Variants in GRTP1 observed in about 807,000 individuals in gnomAD.
GRTP1 encodes the protein growth hormone regulated TBC protein 1.
In GRTP1, 56 loss-of-function variants were observed where a neutral mutation model predicts 38.1. The observed-to-expected ratio is 1.47, with a 90% confidence interval of 1.19 to 1.84. GRTP1 has a LOEUF of 1.84. Among genes scored for constraint, GRTP1 ranks in the 40% most tolerant of loss-of-function variants. The pLI, the probability that GRTP1 is intolerant of heterozygous loss-of-function variation, is 0.00. For synonymous variants in GRTP1, 217 were observed against 189.5 expected (o/e 1.14, Z -1.19); for missense variants, 506 against 453.9 (o/e 1.11, Z -1.04).
Position 113,324,254 on chromosome 13 carries a change from T to C in GRTP1, c.*234A>G, listed in dbSNP as rs1435452932. On this transcript the variant is annotated 3_prime_UTR_variant, in exon 8 of 8. Coordinates refer to ENST00000375431, the MANE Select transcript of GRTP1 (RefSeq NM_024719.4). ...CCCACACTCACATTTTATATATTAT[T>C]GATCTCTCAGGTAAAAATAAGTTTT... 1.2e-5 allele frequency: 6 copies of C among 485,198 alleles called. No individual in the cohort carries two copies. The highest frequency in any genetic ancestry group is 2.0e-5 in the Non-Finnish European group (6 of 293,804). The allele number at this position is 485,198 out of a possible 1,614,324, so 30.1% of individuals were successfully genotyped here.
Position 113,325,975 on chromosome 13 carries a change from T to A in GRTP1, c.679A>T (p.Thr227Ser). The A allele has an allele frequency of 6.2e-7, 1 of 1,613,508 alleles. No homozygotes were observed. The highest frequency in any genetic ancestry group is 8.5e-7 in the Non-Finnish European group (1 of 1,179,882). Residue 227 changes from threonine to serine, a missense_variant, in exon 6 of 8, where the codon ACG (threonine) becomes TCG (serine). By Grantham distance (58) the Thr-to-Ser change is moderately conservative (BLOSUM62 1). Transcript: ENST00000375431. The part of the protein sequence containing the change: ...ALMERLGVLW[T>S]LLVSRWFICL... ...ATGAACCAGCGGGACACCAGCAGCG[T>A]CCACAGCACACCGAGACGCTCCATC... is the stretch of plus-strand genomic sequence containing the variant.
In GRTP1 at chr13:113,324,350, TAAA is replaced by T; in HGVS notation, c.*135_*137del. On this transcript the variant is annotated 3_prime_UTR_variant, in exon 8 of 8. Coordinates refer to ENST00000375431, the MANE Select transcript of GRTP1 (RefSeq NM_024719.4). Reference sequence around the variant, plus strand: ...ATGACCTGATTTTAAACTGCTCTTTTAAAAAATTCACAACTAAAGTGTAGTGAT... The same window carrying T: ...ATGACCTGATTTTAAACTGCTCTTTTAAATTCACAACTAAAGTGTAGTGAT... 1 of 1,281,216 alleles carries T rather than the reference TAAA, an allele frequency of 7.8e-7. No homozygotes were observed. 79.4% of individuals were successfully genotyped at this position (1,281,216 alleles called of 1,614,324 possible).
rs2043542048 is a variant in GRTP1 at position 113,363,649 on chromosome 13, T to C, written c.181+113A>G. ...CGGAGCCCGCAGCTTCGTCCCGACC[T>C]GCCCGGAAAGGTTCCTCCCCCTCCC... is the stretch of plus-strand genomic sequence containing the variant. On this transcript the variant is annotated intron_variant, in intron 2 of 7. Coordinates refer to ENST00000375431, the MANE Select transcript of GRTP1 (RefSeq NM_024719.4). The C allele has an allele frequency of 1.2e-5, 13 of 1,130,228 alleles. No homozygotes were observed. In the South Asian group the frequency reaches 2.0e-4, roughly 17 times the overall value. The allele number at this position is 1,130,228 out of a possible 1,614,324, so 70.0% of individuals were successfully genotyped here.
intron 2 of GRTP1, among the ~76,000 whole-genome samples, chr13:113,361,339 T>C (rs1465106074): frequency 6.6e-6 from 1 of 152,030 alleles, no homozygotes; most frequent in Non-Finnish European, 1.5e-5. Flanking sequence ...TTTTCCCTGC[T>C]CTTCCCAGAA....
chr13:113,330,080 CGTGCATGGAAACCCGGGTGT>C (rs1168410369), intron 5 of GRTP1, among the ~76,000 whole-genome samples: 1,364 of 120,452 alleles, frequency 0.011, 22 homozygotes, highest in African/African-American at 0.03. Context: ...AACCCGGGTG[CGTGCATGGAAACCCGGGTGT>C]GTGCATGGAA....
rs1310514717 is a variant in GRTP1 at position 113,348,803 on chromosome 13, CGCCCCGCAGACGCCGCGACCTCACCT to C, written c.465+2020_465+2045del. On this transcript the variant is annotated intron_variant, in intron 4 of 7. Coordinates refer to ENST00000375431, the MANE Select transcript of GRTP1 (RefSeq NM_024719.4). The surrounding 1 kb of genome is among the most constrained non-coding windows in gnomAD (Gnocchi z 4.8). ...GTCCGTCACAGCCTCAGAAAGAACC[CGCCCCGCAGACGCCGCGACCTCACCT>C]GCCCCGCAGATGCCGCGACCTCTGA... 2.0e-4 allele frequency among the ~76,000 whole-genome samples: 30 copies of C among 152,274 alleles called. No individual in the cohort carries two copies. The South Asian group carries it at 2.1e-3, about 11-fold the overall frequency.
At chr13:113,350,799 A>G (rs769633152) in intron 4 of GRTP1, 50 bp downstream of exon 4, 2 of 1,507,238 alleles carry the variant, frequency 1.3e-6, no homozygotes, top group African/African-American at 1.4e-5. Context: ...AGCTGTGGAC[A>G]GACCTGTCCT....
chr13:113,328,228 G>C (rs1042886908), intron 5 of GRTP1, among the ~76,000 whole-genome samples: 1 of 152,144 alleles, frequency 6.6e-6, no homozygotes, highest in African/African-American at 2.4e-5. Flanking sequence ...ACCCAACACT[G>C]TGCATTCATC....
intron 3 of GRTP1, 70 bp from the exon 4 acceptor site, chr13:113,351,043 C>T (rs566459218): frequency 1.4e-4 from 218 of 1,597,624 alleles, no homozygotes; most frequent in Middle Eastern, 1.2e-3. Flanking sequence ...CCAGCTGCCC[C>T]GAGGGTGGCC....
At chr13:113,331,048 GCCCAGGTGCGTGGATGGAAA>G (rs2042862878) in intron 5 of GRTP1, among the ~76,000 whole-genome samples, 3 of 146,188 alleles carry the variant, frequency 2.1e-5, no homozygotes, top group Admixed American at 2.0e-4. Context: ...GTGCATGGGA[GCCCAGGTGCGTGGATGGAAA>G]CCCAGGTGTG....
At chr13:113,328,525 C>CA (rs369963162) in intron 5 of GRTP1, among the ~76,000 whole-genome samples, 9 of 151,170 alleles carry the variant, frequency 6.0e-5, no homozygotes, top group African/African-American at 1.7e-4. Context: ...GTTGAAGACT[C>CA]AAACAATTTT....
Position 113,349,895 on chromosome 13 carries a change from G to A in GRTP1, c.465+954C>T, listed in dbSNP as rs530997914. ...GACTGCTAGGTTCGAACCACCCATC[G>A]CGACGATGTCCTTCCCTGTCCTCCT... On this transcript the variant is annotated intron_variant, in intron 4 of 7. Transcript: ENST00000375431. The surrounding 1 kb of genome is among the most constrained non-coding windows in gnomAD (Gnocchi z 5.0). Among the ~76,000 whole-genome samples, 134 of 141,308 alleles carry A rather than the reference G, an allele frequency of 9.5e-4. No homozygotes were observed. The highest frequency in any genetic ancestry group is 1.8e-3 in the Non-Finnish European group (116 of 65,270). The allele number at this position is 141,308 out of a possible 152,430, so 92.7% of individuals were successfully genotyped here. A position where few individuals can be genotyped will look rare whatever the true frequency, so the allele number is the denominator to read the frequency against.
In GRTP1 at chr13:113,355,461, C is replaced by G. The variant is rs755135269; in HGVS notation, c.202G>C (p.Gly68Arg). The change falls in exon 3 of 8, where the codon GGG becomes CGG. Residue 68 changes from glycine (G) to arginine (R), a missense_variant. Transcript: ENST00000375431. Reference protein sequence around the residue: ...SRTVKRYVRKGVPLEHRARVW... With the variant: ...SRTVKRYVRKRVPLEHRARVW... ...CGGGCACGGTGCTCCAGCGGGACCC[C>G]TTTCCGGACATAGCGCTTCACTGAA... 1 of 1,612,852 alleles carries G rather than the reference C, an allele frequency of 6.2e-7. No individual in the cohort carries two copies. The highest frequency in any genetic ancestry group is 1.1e-5 in the South Asian group (1 of 91,010).
In GRTP1 at chr13:113,344,309, C is replaced by T. The variant is rs188736898; in HGVS notation, c.562+554G>A. ...CCAGCTGCCCACAAGGGCTAAGAGA[C>T]GGCAAAAGGCCCTCTGCCGTCCCAG... On this transcript the variant is annotated intron_variant, in intron 5 of 7. Transcript: ENST00000375431. Among the ~76,000 whole-genome samples, 640 of 152,312 alleles carry T rather than the reference C, an allele frequency of 4.2e-3. 5 individuals carry two copies. The highest frequency in any genetic ancestry group is 0.011 in the African/African-American group (457 of 41,570).
intron 5 of GRTP1, among the ~76,000 whole-genome samples, chr13:113,337,455 T>C (rs541859888): frequency 5.3e-5 from 8 of 152,366 alleles, no homozygotes; most frequent in Admixed American, 3.9e-4. Context: ...CTTTATCTGC[T>C]ATAACTAGGA....
intron 4 of GRTP1, 108 bp from the exon 5 acceptor site, chr13:113,345,067 C>T (rs2139453181): frequency 1.6e-6 from 2 of 1,246,402 alleles, no homozygotes; most frequent in Non-Finnish European, 2.2e-6. Flanking sequence ...CTTGCTTCTC[C>T]TTAAAACCTG....
chr13:113,341,498 G>A (rs56378842), intron 5 of GRTP1, among the ~76,000 whole-genome samples: 25,618 of 151,892 alleles, frequency 0.17, 2,418 homozygotes, highest in East Asian at 0.27. Flanking sequence ...AACTCCTGAC[G>A]TCAGGTGATC....
chr13:113,324,609 C>T (rs1377956871), intron 7 of GRTP1, 32 bp from the exon 8 acceptor site: 1 of 1,568,278 alleles, frequency 6.4e-7, no homozygotes, highest in Non-Finnish European at 8.6e-7. Context: ...TAAAAACAAA[C>T]CCAACAACCC....
At chr13:113,328,092 G>C (rs1417720038) in intron 5 of GRTP1, among the ~76,000 whole-genome samples, 1 of 152,216 alleles carries the variant, frequency 6.6e-6, no homozygotes, top group Non-Finnish European at 1.5e-5. Context: ...TGCAGAAGGG[G>C]CTCATCCCTC....
Sources: gnomAD v4.1 joint callset for allele counts (sites outside exome capture counted in the v4.1 genomes callset) on GRCh38, gnomAD v4.1.1 for gene constraint, Gnocchi (gnomAD v3.1) non-coding constraint, MANE v1.5 for transcripts, NCBI Gene and HGNC (gene_info 2026-07-23, HGNC 2026-07-21) for gene names.